Variants in CMPK2 observed in about 807,000 individuals in gnomAD.
The protein encoded by CMPK2 is cytidine/uridine monophosphate kinase 2, also known as UMP-CMP kinase 2, mitochondrial.
Under a neutral mutation model 33.4 loss-of-function variants are expected in CMPK2, and 32 were observed. That is an observed-to-expected ratio of 0.96 (90% CI 0.72 to 1.29). The LOEUF (loss-of-function observed/expected upper bound fraction) is 1.29. CMPK2 is among the 50% of genes most tolerant of loss of function. CMPK2 has a pLI of 0.00. For missense variants in CMPK2, 672 were observed against 616.0 expected (o/e 1.09, Z -0.96); for synonymous variants, 299 against 275.3 (o/e 1.09, Z -0.85).
intron 3 of CMPK2, among the ~76,000 whole-genome samples, chr2:6,852,477 A>T (rs1176833943): frequency 2.0e-5 from 3 of 152,134 alleles, no homozygotes; most frequent in African/African-American, 4.8e-5. Flanking sequence ...TGAGGTTCTC[A>T]GCCAGCAAAA....
rs1663041269 is a variant in CMPK2, at chr2:6,865,396, G to A, written c.301C>T (p.Gln101Ter). Reference sequence around the variant, plus strand: ...CGCTGGAAGGGGCCGCGGCGCAGCTGGTGCAGCAGGCGCTGGTGCAGCCGC... The same window carrying A: ...CGCTGGAAGGGGCCGCGGCGCAGCTAGTGCAGCAGGCGCTGGTGCAGCCGC... ...AARLHQRLLH[Q>*]LRRGPFQRCQ... The change falls in exon 1 of 5, where the codon CAG becomes TAG. Residue 101 changes from glutamine (Q) to a stop codon, truncating the protein, a stop_gained. Transcript: ENST00000256722. LOFTEE classifies it high-confidence loss of function. 3 of 1,353,706 alleles carry A rather than the reference G, an allele frequency of 2.2e-6. No individual in the cohort carries two copies. The highest frequency in any genetic ancestry group is 1.8e-5 in the South Asian group (1 of 54,200). 83.9% of individuals were successfully genotyped at this position (1,353,706 alleles called of 1,614,324 possible).
At chr2:6,852,592 C>T (rs1662556832) in intron 3 of CMPK2, among the ~76,000 whole-genome samples, 1 of 152,210 alleles carries the variant, frequency 6.6e-6, no homozygotes, top group African/African-American at 2.4e-5. Context: ...AAAAACTCCT[C>T]ATTGCAAATC....
At chr2:6,843,174 C>T (rs1052205845) in intron 3 of CMPK2, among the ~76,000 whole-genome samples, 11 of 152,168 alleles carry the variant, frequency 7.2e-5, no homozygotes, top group African/African-American at 2.7e-4. Context: ...TTGGAGGGAT[C>T]CTCTAAAGCA....
upstream of CMPK2, chr2:6,866,077 C>T: frequency 7.5e-6 from 2 of 265,928 alleles, no homozygotes; most frequent in Non-Finnish European, 1.4e-5. Flanking sequence ...GGGTGGCTGG[C>T]GGCCCCGACC....
intron 4 of CMPK2, chr2:6,850,998 G>A: frequency 9.9e-7 from 1 of 1,007,548 alleles, no homozygotes; most frequent in Non-Finnish European, 1.2e-6. Context: ...TTAATCCTTT[G>A]AGCCTTAAAG....
intron 3 of CMPK2, among the ~76,000 whole-genome samples, chr2:6,854,283 G>A (rs2595168): frequency 1 from 151,962 of 152,360 alleles, 75,787 homozygotes; most frequent in Middle Eastern, 1. Flanking sequence ...TTGTAGAAAA[G>A]TCACCAGCAA....
At position 6,865,519 on chromosome 2, in the gene CMPK2, GGTCGGGGGCGTCTGCGTC is replaced by G; in HGVS notation, c.160_177del (p.Asp54_Asp59del). On this transcript the variant is annotated inframe_deletion, in exon 1 of 5. Transcript: ENST00000256722. ...GGCCCCAGCAGCGCCGCCAGGCGGG[GGTCGGGGGCGTCTGCGTC>G]GCCGGGGGCGTCGGCGCCTAGGGCG... is the stretch of plus-strand genomic sequence containing the variant. 7.8e-7 allele frequency: 1 copy of G among 1,286,536 alleles called. No homozygotes were observed. The highest frequency in any genetic ancestry group is 2.4e-5 in the South Asian group (1 of 41,408). 79.7% of individuals were successfully genotyped at this position (1,286,536 alleles called of 1,614,324 possible).
chr2:6,843,493 C>T (rs1044729619), downstream of CMPK2, among the ~76,000 whole-genome samples: 17 of 152,066 alleles, frequency 1.1e-4, no homozygotes, highest in African/African-American at 4.1e-4. Context: ...GGGGGTACTG[C>T]TTCTAGTTAG....
chr2:6,858,533 A>T (rs1309191895), intron 3 of CMPK2, among the ~76,000 whole-genome samples: 1 of 152,088 alleles, frequency 6.6e-6, no homozygotes, highest in Non-Finnish European at 1.5e-5. Flanking sequence ...ACCCAGTGGG[A>T]GGTAATTGAA....
At chr2:6,846,812 T>C (rs1662372874), downstream of CMPK2, among the ~76,000 whole-genome samples, 1 of 152,120 alleles carries the variant, frequency 6.6e-6, no homozygotes, top group African/African-American at 2.4e-5. Flanking sequence ...GAAATGCAAG[T>C]AAAGGTGAAA....
intron 3 of CMPK2, among the ~76,000 whole-genome samples, chr2:6,854,141 G>T (rs567370863): frequency 2.6e-5 from 4 of 152,096 alleles, no homozygotes; most frequent in Non-Finnish European, 5.9e-5. Context: ...GCCAATTAGG[G>T]TCTCAGTTTT....
At chr2:6,843,318 A>T (rs1247777956), downstream of CMPK2, among the ~76,000 whole-genome samples, 1 of 152,208 alleles carries the variant, frequency 6.6e-6, no homozygotes, top group African/African-American at 2.4e-5. Context: ...GATTGGAATT[A>T]CAGCTTCATT....
At chr2:6,848,279 T>C (rs922906740), downstream of CMPK2, 6 of 901,154 alleles carry the variant, frequency 6.7e-6, no homozygotes, top group African/African-American at 1.8e-5. Flanking sequence ...GAGAAAGCAC[T>C]TTTCAGACAA....
At position 6,865,012 on chromosome 2, in the gene CMPK2, G is replaced by A; in HGVS notation, c.675+10C>T. On this transcript the variant is annotated intron_variant, in intron 1 of 4. Coordinates refer to ENST00000256722, the MANE Select transcript of CMPK2 (RefSeq NM_207315.4). ...CCACGCTGGGAGCTGGAAGCGGACAGAACTCTTACCTCCTCCAAAACGGCC... is the reference window on the plus strand; with the variant it reads ...CCACGCTGGGAGCTGGAAGCGGACAAAACTCTTACCTCCTCCAAAACGGCC... The A allele has an allele frequency of 5.7e-6, 8 of 1,412,412 alleles. No individual in the cohort carries two copies. The highest frequency in any genetic ancestry group is 7.4e-6 in the Non-Finnish European group (8 of 1,080,978). 87.5% of individuals were successfully genotyped at this position (1,412,412 alleles called of 1,614,324 possible).
intron 3 of CMPK2, 24 bp from the exon 4 acceptor site, chr2:6,851,707 T>A: frequency 6.2e-7 from 1 of 1,605,538 alleles, no homozygotes; most frequent in African/African-American, 1.3e-5. Context: ...GGGTAGTGAG[T>A]TCTCTGTCTG....
chr2:6,855,688 A>C (rs1662664543), intron 3 of CMPK2, among the ~76,000 whole-genome samples: 2 of 152,238 alleles, frequency 1.3e-5, no homozygotes, highest in South Asian at 4.1e-4. Context: ...TGTTATCCCC[A>C]TTGCCATCCC....
chr2:6,853,702 A>T (rs1446246614), intron 3 of CMPK2, among the ~76,000 whole-genome samples: 1 of 152,138 alleles, frequency 6.6e-6, no homozygotes, highest in Non-Finnish European at 1.5e-5. Context: ...GGAGATCGAG[A>T]CCATCCTGGC....
upstream of CMPK2, chr2:6,866,410 CT>C: frequency 1.0e-6 from 1 of 983,984 alleles, no homozygotes; most frequent in Non-Finnish European, 1.2e-6. Context: ...ACACACTCAC[CT>C]TTGCACACAC....
chr2:6,849,130 A>G lies in CMPK2; in HGVS notation c.*720T>C. On this transcript the variant is annotated 3_prime_UTR_variant, in exon 5 of 5. Coordinates refer to ENST00000256722, the MANE Select transcript of CMPK2 (RefSeq NM_207315.4). ...CTTTAGAAAAAAAGAAAAGAAATATAAATAAGCAAAATATAATTCAGAGAA... is the reference window on the plus strand; with the variant it reads ...CTTTAGAAAAAAAGAAAAGAAATATGAATAAGCAAAATATAATTCAGAGAA... 5.1e-6 allele frequency: 5 copies of G among 983,808 alleles called. No homozygotes were observed. The highest frequency in any genetic ancestry group is 6.0e-6 in the Non-Finnish European group (5 of 828,402). 60.9% of individuals were successfully genotyped at this position (983,808 alleles called of 1,614,324 possible). A position where few individuals can be genotyped will look rare whatever the true frequency, so the allele number is the denominator to read the frequency against.
Sources: gnomAD v4.1 joint callset for allele counts (sites outside exome capture counted in the v4.1 genomes callset) on GRCh38, gnomAD v4.1.1 for gene constraint, MANE v1.5 for transcripts, NCBI Gene and HGNC (gene_info 2026-07-23, HGNC 2026-07-21) for gene names.